TMEM150B: variants seen among roughly 807,000 people sequenced by gnomAD.
TMEM150B encodes the protein transmembrane protein 150B.
TMEM150B carries 33 observed loss-of-function variants against 25.2 expected under a neutral mutation model. The observed-to-expected ratio is 1.31, with a 90% confidence interval of 0.99 to 1.75. TMEM150B has a LOEUF of 1.75. Among genes scored for constraint, TMEM150B ranks in the 40% most tolerant of loss-of-function variants. TMEM150B has a pLI of 0.00. For missense variants in TMEM150B, 322 were observed against 306.1 expected, an observed-to-expected ratio of 1.05 and a Z score of -0.39; for synonymous variants, 133 against 134.8, an observed-to-expected ratio of 0.99 and a Z score of 0.09.
intron 7 of TMEM150B, among the ~76,000 whole-genome samples, 164 bp from the exon 8 acceptor site, chr19:55,313,219 A>G (rs1907041858): frequency 6.6e-6 from 1 of 151,958 alleles, no homozygotes; most frequent in African/African-American, 2.4e-5. Flanking sequence ...TTGGTCTCCG[A>G]TGCTCTCCAG....
downstream of TMEM150B, chr19:55,312,661 A>C: frequency 3.7e-6 from 2 of 539,938 alleles, no homozygotes; most frequent in Non-Finnish European, 3.1e-6. Context: ...GAAGGCGGGG[A>C]CGGGGATGCT....
chr19:55,321,906 C>T (rs1054732696), intron 2 of TMEM150B, among the ~76,000 whole-genome samples: 4 of 152,132 alleles, frequency 2.6e-5, no homozygotes, highest in Non-Finnish European at 4.4e-5. Context: ...CTCCTCCCCT[C>T]CACTCTCCTT....
intron 1 of TMEM150B, among the ~76,000 whole-genome samples, chr19:55,324,420 T>C (rs11878956): frequency 0.62 from 93,947 of 151,112 alleles, 31,649 homozygotes; most frequent in African/African-American, 0.89. Flanking sequence ...GAGGCCGAGG[T>C]GGGCAGATCA....
downstream of TMEM150B, chr19:55,311,934 C>A (rs540907240): frequency 3.7e-6 from 6 of 1,611,438 alleles, no homozygotes; most frequent in African/African-American, 2.7e-5. Flanking sequence ...GGCCCAGACC[C>A]GGCCTGCTGG....
chr19:55,321,758 T>C (rs1054990291), intron 2 of TMEM150B, among the ~76,000 whole-genome samples: 4 of 152,216 alleles, frequency 2.6e-5, no homozygotes, highest in South Asian at 2.1e-4. Flanking sequence ...AATACAGATA[T>C]TCTTCTCCAG....
rs753239065 is a variant in TMEM150B at position 55,320,980 on chromosome 19, G to A, written c.57C>T (p.Gly19=). The A allele has an allele frequency of 1.2e-5, 20 of 1,613,646 alleles. No individual in the cohort carries two copies. Among genetic ancestry groups the A allele is most frequent in the South Asian group, 3.3e-5 (3 of 91,062 alleles). ...PVFLAVWAIS[G]VWIVFAIAVT... ...CCTCTGACACTCACACGATCCAGACGCCAGAGATAGCCCAGACAGCTAGGA... is the reference window on the plus strand; with the variant it reads ...CCTCTGACACTCACACGATCCAGACACCAGAGATAGCCCAGACAGCTAGGA... Residue 19 remains glycine, a synonymous_variant, in exon 3 of 8, where the codon GGC becomes GGT. Coordinates refer to ENST00000326652, the MANE Select transcript of TMEM150B (RefSeq NM_001282011.2).
rs143293963 is a variant in TMEM150B, at chr19:55,323,423, A to G, written c.-153-680T>C. Among the ~76,000 whole-genome samples, 178 of 150,586 alleles carry G rather than the reference A, an allele frequency of 1.2e-3. 1 individual carries two copies. The highest frequency in any genetic ancestry group is 4.3e-3 in the African/African-American group (178 of 41,024). On this transcript the variant is annotated intron_variant, in intron 1 of 7. Transcript: ENST00000326652. ...CTCCAGCCTGGGTGACAAGAGCAAA[A>G]CTCTGTCTCAGAAAAAAGAAAAAAA...
At chr19:55,318,327 A>C (rs562099518) in intron 6 of TMEM150B, among the ~76,000 whole-genome samples, 2 of 152,030 alleles carry the variant, frequency 1.3e-5, no homozygotes, top group South Asian at 4.2e-4. Flanking sequence ...TCACCACTGC[A>C]CTCCAGCCTG....
downstream of TMEM150B, chr19:55,312,700 C>T (rs370150864): frequency 7.1e-5 from 59 of 825,996 alleles, no homozygotes; most frequent in Non-Finnish European, 9.2e-5. Context: ...AGAGGCCCTC[C>T]GCGCCGGCAC....
chr19:55,318,975 T>G (rs1428377915), intron 6 of TMEM150B, among the ~76,000 whole-genome samples: 1 of 152,164 alleles, frequency 6.6e-6, no homozygotes, highest in Non-Finnish European at 1.5e-5. Flanking sequence ...GCCTGGCTAA[T>G]TCTTTATTTT....
At chr19:55,313,087 G>A (rs767249237) in intron 7 of TMEM150B, 32 bp from the exon 8 acceptor site, 15 of 1,578,082 alleles carry the variant, frequency 9.5e-6, no homozygotes, top group Admixed American at 3.5e-5. Context: ...CACTGCTACC[G>A]TGACAGACGC....
chr19:55,314,921 G>A (rs1372940780), intron 7 of TMEM150B, among the ~76,000 whole-genome samples: 1 of 152,162 alleles, frequency 6.6e-6, no homozygotes, highest in Non-Finnish European at 1.5e-5. Context: ...ACTCTCTTCT[G>A]AATGCCTGCA....
chr19:55,313,113 C>T, intron 7 of TMEM150B, 58 bp from the exon 8 acceptor site: 6 of 1,519,448 alleles, frequency 3.9e-6, no homozygotes, highest in Non-Finnish European at 5.3e-6. Flanking sequence ...CCGGCCTGGT[C>T]TCTGTGCCGC....
intron 3 of TMEM150B, 92 bp downstream of exon 3, chr19:55,320,877 C>G: frequency 6.8e-7 from 1 of 1,462,374 alleles, no homozygotes; most frequent in Non-Finnish European, 9.2e-7. Context: ...GGGATCCAGG[C>G]CCCCAACCCC....
rs2089163002 is a variant in TMEM150B at position 55,320,297 on chromosome 19, G to C, written c.196+94C>G. On this transcript the variant is annotated intron_variant, in intron 5 of 7. Coordinates refer to ENST00000326652, the MANE Select transcript of TMEM150B (RefSeq NM_001282011.2). ...CCGGATTTTGGGGAAAGAGGGGCCTGGGGCATGGACTCCTGGGTTTGAGAA... is the reference window on the plus strand; with the variant it reads ...CCGGATTTTGGGGAAAGAGGGGCCTCGGGCATGGACTCCTGGGTTTGAGAA... 4 of 1,502,522 alleles carry C rather than the reference G, an allele frequency of 2.7e-6. No individual in the cohort carries two copies. The Admixed American group carries it at 8.6e-5, about 32-fold the overall frequency. The allele number at this position is 1,502,522 out of a possible 1,614,324, so 93.1% of individuals were successfully genotyped here.
chr19:55,312,056 C>G, downstream of TMEM150B: 1 of 1,453,838 alleles, frequency 6.9e-7, no homozygotes, highest in African/African-American at 1.5e-5. Flanking sequence ...CCAACGGGAC[C>G]CCTCTGCCCT....
chr19:55,310,846 G>A (rs1298479230), downstream of TMEM150B, among the ~76,000 whole-genome samples: 1 of 152,178 alleles, frequency 6.6e-6, no homozygotes, highest in African/African-American at 2.4e-5. This position sits in a 1 kb window ranked among gnomAD's most constrained non-coding sequence, Gnocchi z 5.0. Context: ...GCACACCCTG[G>A]AAGATGTAGG....
downstream of TMEM150B, among the ~76,000 whole-genome samples, chr19:55,311,304 G>A (rs572531600): frequency 6.6e-6 from 1 of 152,220 alleles, no homozygotes; most frequent in South Asian, 2.1e-4. Flanking sequence ...TCCGCCACGG[G>A]ACCTCAGGTA....
chr19:55,325,076 C>T (rs753048339), intron 1 of TMEM150B, among the ~76,000 whole-genome samples, 196 bp downstream of exon 1: 2 of 152,178 alleles, frequency 1.3e-5, no homozygotes, highest in African/African-American at 2.4e-5. Context: ...GACGAGAAAG[C>T]CCAGGTGATC....
Sources: gnomAD v4.1 joint callset for allele counts (sites outside exome capture counted in the v4.1 genomes callset) on GRCh38, gnomAD v4.1.1 for gene constraint, Gnocchi (gnomAD v3.1) non-coding constraint, MANE v1.5 for transcripts, NCBI Gene and HGNC (gene_info 2026-07-23, HGNC 2026-07-21) for gene names.